The following FRMD4A variants were observed in gnomAD, a reference collection of about 807,000 sequenced individuals.
FRMD4A encodes the protein FERM domain containing 4A, also known as FERM domain-containing protein 4A.
Under a neutral mutation model 129.1 loss-of-function variants are expected in FRMD4A, and 29 were observed. The ratio of observed to expected loss-of-function variants is 0.22; its 90% CI spans 0.17 to 0.31. The LOEUF (loss-of-function observed/expected upper bound fraction) is 0.31. Among genes scored for constraint, FRMD4A ranks in the 10% least tolerant of loss-of-function variants. FRMD4A has a pLI of 1.00. For missense variants in FRMD4A, 1,272 were observed against 1,375.8 expected (o/e 0.92, Z 1.19); for synonymous variants, 634 against 571.6 (o/e 1.11, Z -1.56).
chr10:14,145,746 A>G (rs1220911409), intron 2 of FRMD4A, among the ~76,000 whole-genome samples: 1 of 152,188 alleles, frequency 6.6e-6, no homozygotes, highest in Non-Finnish European at 1.5e-5. Context: ...TGTGCTGCCT[A>G]GACCCAGAAG....
At chr10:14,184,609 G>C (rs1842022993) in intron 2 of FRMD4A, among the ~76,000 whole-genome samples, 1 of 152,018 alleles carries the variant, frequency 6.6e-6, no homozygotes, top group African/African-American at 2.4e-5. Flanking sequence ...ACAAGGCACC[G>C]TGCCCGTCTC....
At chr10:13,810,732 G>C in intron 4 of FRMD4A, 82 bp downstream of exon 4, 1 of 659,382 alleles carries the variant, frequency 1.5e-6, no homozygotes, top group Non-Finnish European at 2.7e-6. Flanking sequence ...AGCTGATTTC[G>C]CTGCTAACAG....
chr10:14,173,560 A>G (rs1463893789), intron 2 of FRMD4A, among the ~76,000 whole-genome samples: 1 of 152,130 alleles, frequency 6.6e-6, no homozygotes, highest in African/African-American at 2.4e-5. Context: ...TGCTCTGAAG[A>G]AGAGGAGGAG....
At chr10:14,231,878 G>A (rs778802667) in intron 2 of FRMD4A, among the ~76,000 whole-genome samples, 4 of 151,990 alleles carry the variant, frequency 2.6e-5, no homozygotes, top group Non-Finnish European at 5.9e-5. Flanking sequence ...CATTCTTTAG[G>A]TTGTCTGTTT....
chr10:14,079,231 G>A (rs1342054049), intron 2 of FRMD4A, among the ~76,000 whole-genome samples: 1 of 152,120 alleles, frequency 6.6e-6, no homozygotes, highest in Non-Finnish European at 1.5e-5. Context: ...GTGGAAAATG[G>A]CCAAACTGGG....
chr10:13,914,764 G>C (rs1267540573), intron 2 of FRMD4A, among the ~76,000 whole-genome samples: 1 of 151,936 alleles, frequency 6.6e-6, no homozygotes, highest in Non-Finnish European at 1.5e-5. Context: ...GGAGGCTGAA[G>C]TGTGATGTGG....
chr10:14,007,778 A>G (rs1049528758), intron 2 of FRMD4A, among the ~76,000 whole-genome samples: 2 of 152,102 alleles, frequency 1.3e-5, no homozygotes, highest in African/African-American at 2.4e-5. Context: ...TTTCAAACCC[A>G]TTCCAGGGGG....
intron 2 of FRMD4A, among the ~76,000 whole-genome samples, chr10:13,895,363 G>A (rs144995143): frequency 6.6e-6 from 1 of 152,110 alleles, no homozygotes; most frequent in African/African-American, 2.4e-5. Flanking sequence ...ATGTTAGTTT[G>A]CTAAGGATAA....
rs556599637 is a variant in FRMD4A at position 13,707,695 on chromosome 10, C to T, written c.760-582G>A. ...GGCGGAGGAGGCTGGGACCTTATTT[C>T]GGGGGCAGGCAACTCAAGATCACAG... On this transcript the variant is annotated intron_variant, in intron 12 of 24. Transcript: ENST00000357447. 1.9e-5 allele frequency: 19 copies of T among 985,552 alleles called. No individual in the cohort carries two copies. In the African/African-American group the frequency reaches 3.1e-4, roughly 16 times the overall value. 61.1% of individuals were successfully genotyped at this position (985,552 alleles called of 1,614,324 possible).
intron 3 of FRMD4A, among the ~76,000 whole-genome samples, chr10:13,838,506 T>A (rs987688423): frequency 4.7e-5 from 7 of 149,774 alleles, no homozygotes; most frequent in Non-Finnish European, 1.0e-4. Context: ...CTCCCTTTTT[T>A]TTTTGAGATT....
At chr10:13,903,782 C>T (rs555725734) in intron 2 of FRMD4A, among the ~76,000 whole-genome samples, 1 of 151,834 alleles carries the variant, frequency 6.6e-6, no homozygotes, top group Non-Finnish European at 1.5e-5. Context: ...ACCCTAGAGG[C>T]AGAAGTGGGA....
At chr10:14,035,552 T>C (rs1200850617) in intron 2 of FRMD4A, among the ~76,000 whole-genome samples, 2 of 152,192 alleles carry the variant, frequency 1.3e-5, no homozygotes, top group African/African-American at 4.8e-5. Context: ...TATTGGGTTT[T>C]AAAGTGGATA....
intron 2 of FRMD4A, among the ~76,000 whole-genome samples, chr10:14,238,841 T>C (rs1353858126): frequency 2.0e-5 from 3 of 152,210 alleles, no homozygotes; most frequent in Non-Finnish European, 4.4e-5. Flanking sequence ...ACTTCATCCA[T>C]GTCCCTGCAA....
chr10:14,027,614 C>T (rs539665883), intron 2 of FRMD4A, among the ~76,000 whole-genome samples: 18 of 152,304 alleles, frequency 1.2e-4, no homozygotes, highest in Non-Finnish European at 2.5e-4. Context: ...TAAACTCTGT[C>T]TCAAACAAAA....
intron 2 of FRMD4A, among the ~76,000 whole-genome samples, chr10:14,001,254 A>C (rs1439193477): frequency 6.6e-6 from 1 of 152,116 alleles, no homozygotes; most frequent in Non-Finnish European, 1.5e-5. Flanking sequence ...GGGTTCTTAA[A>C]AGCTCCTTGA....
chr10:13,663,336 C>T (rs2082782113), intron 19 of FRMD4A, 117 bp downstream of exon 19: 1 of 670,086 alleles, frequency 1.5e-6, no homozygotes, highest in Non-Finnish European at 2.7e-6. Flanking sequence ...TGCAGGGAGC[C>T]CAGCTGCCTT....
chr10:13,737,461 T>C (rs1319669792), intron 12 of FRMD4A, among the ~76,000 whole-genome samples: 1 of 152,114 alleles, frequency 6.6e-6, no homozygotes, highest in African/African-American at 2.4e-5. Flanking sequence ...CCAGAAATCT[T>C]TGGGAGAACT....
intron 2 of FRMD4A, among the ~76,000 whole-genome samples, chr10:14,091,108 G>C (rs1211092166): frequency 6.6e-6 from 1 of 152,196 alleles, no homozygotes; most frequent in African/African-American, 2.4e-5. Context: ...TTCAAGAAAA[G>C]AGATGGAAGA....
rs377146650 is a variant in FRMD4A at position 13,890,471 on chromosome 10, C to A, written c.46-31559G>T. ...GATCAGTGATGCTGTTGGAAAAGGACGACTTACGGATGCAGAGGTGGAAGG... is the reference window on the plus strand; with the variant it reads ...GATCAGTGATGCTGTTGGAAAAGGAAGACTTACGGATGCAGAGGTGGAAGG... On this transcript the variant is annotated intron_variant, in intron 2 of 24. Transcript: ENST00000357447. 1.4e-4 allele frequency: 133 copies of A among 944,112 alleles called. No homozygotes were observed. The African/African-American group carries it at 2.3e-3, about 16-fold the overall frequency. 58.5% of individuals were successfully genotyped at this position (944,112 alleles called of 1,614,324 possible).
Sources: allele counts gnomAD v4.1 joint callset (sites outside exome capture counted in the v4.1 genomes callset), GRCh38; gene constraint gnomAD v4.1.1; transcripts MANE v1.5; gene names NCBI Gene and HGNC (gene_info 2026-07-23, HGNC 2026-07-21).